The following DIS3L2 variants were observed in gnomAD, a reference collection of about 807,000 sequenced individuals.
The protein encoded by DIS3L2 is DIS3 like 3'-5' exoribonuclease 2.
A neutral mutation model predicts 97.5 loss-of-function variants in DIS3L2; 34 were observed. That is an observed-to-expected ratio of 0.35 (90% CI 0.27 to 0.46). The LOEUF is 0.46. DIS3L2 is among the 20% of genes least tolerant of loss of function. DIS3L2 has a pLI of 1.00. For synonymous variants in DIS3L2, 435 were observed against 445.2 expected, an observed-to-expected ratio of 0.98 and a Z score of 0.29; for missense variants, 1,038 against 1,146.0, an observed-to-expected ratio of 0.91 and a Z score of 1.36.
chr2:232,033,032 A>G (rs890063223), intron 5 of DIS3L2, among the ~76,000 whole-genome samples: 6 of 152,150 alleles, frequency 3.9e-5, no homozygotes, highest in African/African-American at 9.7e-5. Context: ...AAGAAAGTCA[A>G]TGGTAGCTTG....
intron 14 of DIS3L2, among the ~76,000 whole-genome samples, chr2:232,324,780 G>T (rs910078090): frequency 6.6e-6 from 1 of 152,130 alleles, no homozygotes; most frequent in Non-Finnish European, 1.5e-5. Context: ...TTATTTATTC[G>T]AGGCCAGGAA....
chr2:232,337,675 G>A (rs1392833073), downstream of DIS3L2, among the ~76,000 whole-genome samples: 1 of 152,018 alleles, frequency 6.6e-6, no homozygotes, highest in African/African-American at 2.4e-5. Flanking sequence ...TGAAAGCCAT[G>A]GTGAGCACGG....
intron 1 of DIS3L2, among the ~76,000 whole-genome samples, chr2:231,973,065 C>T (rs1165838917): frequency 2.0e-5 from 3 of 152,118 alleles, no homozygotes; most frequent in Admixed American, 6.6e-5. Context: ...TCCTTTTCTT[C>T]GGTTTTCTGG....
At position 232,214,110 on chromosome 2, in the gene DIS3L2, G is replaced by A. The variant is rs145501857; in HGVS notation, c.1204+3705G>A. ...AGTAATGTAAGTGAATAGGAGTGGC[G>A]TTATAGTGATAACCCAGAATCTGGA... On this transcript the variant is annotated intron_variant, in intron 10 of 20. Coordinates refer to ENST00000325385, the MANE Select transcript of DIS3L2 (RefSeq NM_152383.5). Among the ~76,000 whole-genome samples the A allele has an allele frequency of 1.1e-4, 17 of 152,274 alleles. No homozygotes were observed. In the East Asian group the frequency reaches 1.3e-3, roughly 12 times the overall value.
chr2:232,237,321 G>T (rs1045865805), intron 10 of DIS3L2, among the ~76,000 whole-genome samples: 1 of 152,092 alleles, frequency 6.6e-6, no homozygotes, highest in Non-Finnish European at 1.5e-5. Context: ...TGGTAGGGAG[G>T]GCAGGGCCTA....
At chr2:232,093,653 A>G (rs1212352120) in intron 6 of DIS3L2, among the ~76,000 whole-genome samples, 1 of 152,060 alleles carries the variant, frequency 6.6e-6, no homozygotes, top group Non-Finnish European at 1.5e-5. Flanking sequence ...AATTTCCTAC[A>G]TTTTCCAATT....
chr2:232,028,925 A>G (rs1390556272), intron 4 of DIS3L2, among the ~76,000 whole-genome samples: 2 of 152,232 alleles, frequency 1.3e-5, no homozygotes, highest in Non-Finnish European at 2.9e-5. Context: ...CAGAAAAACT[A>G]TTCTAGAAGA....
At chr2:232,206,207 G>A (rs1692022203) in intron 9 of DIS3L2, among the ~76,000 whole-genome samples, 1 of 152,206 alleles carries the variant, frequency 6.6e-6, no homozygotes, top group Non-Finnish European at 1.5e-5. Context: ...GTTGATACCG[G>A]CATATTAAAG....
chr2:232,334,311 C>T, intron 17 of DIS3L2, 58 bp from the exon 18 acceptor site: 1 of 1,579,912 alleles, frequency 6.3e-7, no homozygotes, highest in Non-Finnish European at 8.6e-7. Flanking sequence ...CATCCCCCAG[C>T]CATAGCTCTT....
chr2:232,140,059 T>C (rs920424257), intron 8 of DIS3L2, among the ~76,000 whole-genome samples: 2 of 152,206 alleles, frequency 1.3e-5, no homozygotes, highest in African/African-American at 4.8e-5. Flanking sequence ...TTCTGTGGTC[T>C]TCACTATCGA....
intron 6 of DIS3L2, among the ~76,000 whole-genome samples, chr2:232,124,746 T>A (rs896572564): frequency 2.0e-5 from 3 of 152,012 alleles, no homozygotes; most frequent in African/African-American, 4.8e-5. Flanking sequence ...GTCTAATTTT[T>A]AAAAAAATAT....
At chr2:232,202,731 G>A (rs2106208962) in intron 9 of DIS3L2, among the ~76,000 whole-genome samples, 1 of 152,344 alleles carries the variant, frequency 6.6e-6, no homozygotes, top group Middle Eastern at 3.4e-3. Context: ...GGCTGGGGAA[G>A]TGGAGGCAAA....
Position 232,243,320 on chromosome 2 carries a change from A to G in DIS3L2, c.1317+4675A>G, listed in dbSNP as rs1437674796. ...TGGGGTGTGAGTTGTAGAGAGAGCC[A>G]CGGATGAGGTTACAAAGAGAAGCCT... On this transcript the variant is annotated intron_variant, in intron 11 of 20. Transcript: ENST00000325385. 1.3e-5 allele frequency among the ~76,000 whole-genome samples: 2 copies of G among 152,162 alleles called. 1 individual carries two copies. The highest frequency in any genetic ancestry group is 3.8e-4 in the East Asian group (2 of 5,200).
rs80274405 is a variant in DIS3L2 at position 232,126,794 on chromosome 2, C to G, written c.602-3825C>G. Among the ~76,000 whole-genome samples the G allele has an allele frequency of 4.7e-3, 717 of 152,276 alleles. 7 individuals carry two copies. The highest frequency in any genetic ancestry group is 0.017 in the Middle Eastern group (5 of 294). ...GCCATTCTACCAGCGTTATTTCCCC[C>G]CTATTCTAGTTCCTCCCTACCCAGC... is the stretch of plus-strand genomic sequence containing the variant. On this transcript the variant is annotated intron_variant, in intron 6 of 20. Transcript: ENST00000325385.
At chr2:232,336,446 C>T in intron 20 of DIS3L2, 23 bp from the exon 21 acceptor site, 1 of 1,602,248 alleles carries the variant, frequency 6.2e-7, no homozygotes, top group Non-Finnish European at 8.5e-7. Context: ...ATCCTTGTCC[C>T]CTCACGGCTG....
intron 5 of DIS3L2, among the ~76,000 whole-genome samples, chr2:232,055,740 G>A (rs1695529424): frequency 6.6e-6 from 1 of 152,188 alleles, no homozygotes; most frequent in South Asian, 2.1e-4. Flanking sequence ...AGTGAGCACA[G>A]TTACAATAGT....
intron 8 of DIS3L2, among the ~76,000 whole-genome samples, chr2:232,158,051 C>T (rs1159291099): frequency 6.6e-6 from 1 of 152,120 alleles, no homozygotes; most frequent in Non-Finnish European, 1.5e-5. Context: ...TCTTTCAGGT[C>T]CCTATCCATC....
At chr2:231,973,233 G>A (rs1410809486) in intron 1 of DIS3L2, among the ~76,000 whole-genome samples, 2 of 151,956 alleles carry the variant, frequency 1.3e-5, no homozygotes, top group African/African-American at 4.8e-5. Flanking sequence ...TTACTTGAAC[G>A]AACTTAACAC....
intron 8 of DIS3L2, among the ~76,000 whole-genome samples, chr2:232,162,183 T>C (rs1466336485): frequency 6.6e-6 from 1 of 152,278 alleles, no homozygotes; most frequent in Non-Finnish European, 1.5e-5. Context: ...CTCATATTTT[T>C]GCTGTCTGGC....
Sources: allele counts gnomAD v4.1 joint callset (sites outside exome capture counted in the v4.1 genomes callset), GRCh38; gene constraint gnomAD v4.1.1; transcripts MANE v1.5; gene names NCBI Gene and HGNC (gene_info 2026-07-23, HGNC 2026-07-21).